The following NR6A1 variants were observed in gnomAD, a reference collection of about 807,000 sequenced individuals.
NR6A1 encodes retinoic acid receptor-related testis-associated receptor.
In NR6A1, 7 loss-of-function variants were observed where a neutral mutation model predicts 59.1. That is an observed-to-expected ratio of 0.12 (90% CI 0.07 to 0.22). NR6A1 has a LOEUF of 0.22. Among genes scored for constraint, NR6A1 ranks in the 10% least tolerant of loss-of-function variants. The pLI is 1.00. For missense variants in NR6A1, 468 were observed against 611.6 expected (o/e 0.77, Z 2.48); for synonymous variants, 243 against 236.1 (o/e 1.03, Z -0.27).
At chr9:124,575,047 G>C (rs889475886) in intron 2 of NR6A1, among the ~76,000 whole-genome samples, 1 of 152,070 alleles carries the variant, frequency 6.6e-6, no homozygotes, top group African/African-American at 2.4e-5. Context: ...TTATTGCCTT[G>C]AGTCACTGTG....
intron 2 of NR6A1, chr9:124,595,626 T>G (rs1329372038): frequency 4.5e-6 from 2 of 441,452 alleles, no homozygotes; most frequent in Non-Finnish European, 8.8e-6. Flanking sequence ...CTAGCTGAAC[T>G]CTGCGAAGAC....
chr9:124,556,299 C>A (rs73669205), intron 2 of NR6A1, among the ~76,000 whole-genome samples: 1,974 of 152,098 alleles, frequency 0.013, 36 homozygotes, highest in African/African-American at 0.045. Context: ...ACATCACATG[C>A]AAAAGAGAAG....
chr9:124,599,589 G>A (rs1002785488), intron 2 of NR6A1: 6 of 1,115,572 alleles, frequency 5.4e-6, no homozygotes, highest in African/African-American at 5.1e-5. Flanking sequence ...ATGAGGGCGC[G>A]GCGGCGGCGG....
At chr9:124,627,206 T>C (rs1836269406) in intron 2 of NR6A1, among the ~76,000 whole-genome samples, 1 of 152,188 alleles carries the variant, frequency 6.6e-6, no homozygotes, top group African/African-American at 2.4e-5. Context: ...GACAGATGTT[T>C]TGGCCTAGGT....
At chr9:124,568,558 G>A (rs147779988) in intron 2 of NR6A1, among the ~76,000 whole-genome samples, 1 of 151,688 alleles carries the variant, frequency 6.6e-6, no homozygotes, top group African/African-American at 2.4e-5. Flanking sequence ...ATCAACCCAT[G>A]CTTTCCAAAT....
intron 2 of NR6A1, among the ~76,000 whole-genome samples, chr9:124,606,831 A>G (rs979588345): frequency 2.6e-5 from 4 of 152,218 alleles, no homozygotes; most frequent in African/African-American, 9.6e-5. Context: ...CTCCCTGTCA[A>G]TAGGAACTTG....
At chr9:124,755,175 T>TAAGACTAAAC (rs11270745) in intron 1 of NR6A1, among the ~76,000 whole-genome samples, 7 of 352 alleles carry the variant, frequency 0.02, no homozygotes, top group Non-Finnish European at 0.037. Flanking sequence ...CACATTACCG[T>TAAGACTAAAC]GGAAATATTT....
chr9:124,528,032 C>T (rs1832987733), intron 7 of NR6A1, among the ~76,000 whole-genome samples: 1 of 152,212 alleles, frequency 6.6e-6, no homozygotes, highest in Non-Finnish European at 1.5e-5. Flanking sequence ...TAGCTTCAGG[C>T]ATGCTTCCTG....
At chr9:124,646,474 A>G (rs1330967117) in intron 2 of NR6A1, among the ~76,000 whole-genome samples, 1 of 152,226 alleles carries the variant, frequency 6.6e-6, no homozygotes, top group East Asian at 1.9e-4. Flanking sequence ...AGGGGACCTC[A>G]CTATGGATCC....
intron 2 of NR6A1, among the ~76,000 whole-genome samples, chr9:124,683,123 G>T (rs1412563337): frequency 6.6e-6 from 1 of 152,060 alleles, no homozygotes; most frequent in South Asian, 2.1e-4. Flanking sequence ...GATCACTTGA[G>T]CTCAGGAGGT....
chr9:124,539,835 C>T (rs1833387725), intron 5 of NR6A1, among the ~76,000 whole-genome samples, 198 bp downstream of exon 5: 1 of 152,220 alleles, frequency 6.6e-6, no homozygotes, highest in Non-Finnish European at 1.5e-5. Flanking sequence ...AGACCACTGA[C>T]ATTTTCAAGG....
rs1341678135 is a variant in NR6A1, at chr9:124,518,019, A to T, written c.*4686T>A. On this transcript the variant is annotated 3_prime_UTR_variant, in exon 10 of 10. Coordinates refer to ENST00000487099, the MANE Select transcript of NR6A1 (RefSeq NM_033334.4). ...ATTATCACCTATTACAAGACATTTT[A>T]GAGAAAGAAAACAATGGTCATTAAA... 4 of 151,190 alleles carry T rather than the reference A, an allele frequency of 2.6e-5. No individual in the cohort carries two copies. The highest frequency in any genetic ancestry group is 7.3e-5 in the African/African-American group (3 of 41,006). 9.4% of individuals were successfully genotyped at this position (151,190 alleles called of 1,614,324 possible).
In NR6A1 at chr9:124,665,165, GACA is replaced by G. The variant is rs370774931; in HGVS notation, c.142+68140_142+68142del. Among the ~76,000 whole-genome samples the G allele has an allele frequency of 6.1e-3, 915 of 149,012 alleles. 9 individuals are homozygous for G. The highest frequency in any genetic ancestry group is 0.018 in the Middle Eastern group (5 of 284). On this transcript the variant is annotated intron_variant, in intron 2 of 9. Transcript: ENST00000487099. ...CACCCCACTGCACTACAGCCAGGGTGACAACAAGAACCTTTCTCAAAAAAAAAA... is the reference window on the plus strand; with the variant it reads ...CACCCCACTGCACTACAGCCAGGGTGACAAGAACCTTTCTCAAAAAAAAAA...
In NR6A1 at chr9:124,726,287, T is replaced by C. The variant is rs530707191; in HGVS notation, c.142+7021A>G. 2.6e-5 allele frequency among the ~76,000 whole-genome samples: 4 copies of C among 152,284 alleles called. 1 individual carries two copies. The South Asian group carries it at 6.2e-4, about 24-fold the overall frequency. ...CCCTAAAATCCTTTGAAAAAGCCAC[T>C]AGTTCTGTGAATTGTCCTTCTCCCT... On this transcript the variant is annotated intron_variant, in intron 2 of 9. Coordinates refer to ENST00000487099, the MANE Select transcript of NR6A1 (RefSeq NM_033334.4).
chr9:124,599,296 A>T (rs1835377001), intron 2 of NR6A1: 2 of 385,744 alleles, frequency 5.2e-6, no homozygotes, highest in East Asian at 6.4e-5. Context: ...TACAAAAAAT[A>T]GCTGGGCGTG....
At chr9:124,525,691 C>A (rs574801444) in intron 8 of NR6A1, among the ~76,000 whole-genome samples, 1 of 150,198 alleles carries the variant, frequency 6.7e-6, no homozygotes, top group African/African-American at 2.5e-5. Flanking sequence ...CTCTCTCTCT[C>A]TCTCTCTCTA....
chr9:124,733,619 C>G (rs1025391649), intron 1 of NR6A1, among the ~76,000 whole-genome samples: 1 of 152,174 alleles, frequency 6.6e-6, no homozygotes, highest in Non-Finnish European at 1.5e-5. Context: ...CCTTGCCACA[C>G]AGTAGGAGCT....
chr9:124,564,039 C>A lies in NR6A1; in HGVS notation c.143-9469G>T, dbSNP rs146291167. Among the ~76,000 whole-genome samples the A allele has an allele frequency of 1.0e-2, 1,518 of 152,286 alleles. 17 individuals carry two copies. Among genetic ancestry groups the A allele is most frequent in the Non-Finnish European group, 0.018 (1,215 of 68,018 alleles). ...GCTGCAATGAGCTCTGACTGTGGCACTGTACTCCAGCCTGGATGACAAAGC... is the reference window on the plus strand; with the variant it reads ...GCTGCAATGAGCTCTGACTGTGGCAATGTACTCCAGCCTGGATGACAAAGC... On this transcript the variant is annotated intron_variant, in intron 2 of 9. Coordinates refer to ENST00000487099, the MANE Select transcript of NR6A1 (RefSeq NM_033334.4).
chr9:124,540,792 C>T (rs894530378), intron 4 of NR6A1, among the ~76,000 whole-genome samples: 2 of 152,072 alleles, frequency 1.3e-5, no homozygotes, highest in African/African-American at 4.8e-5. Flanking sequence ...CAGAGCAAGA[C>T]CCTGTCTTAA....
Sources: allele counts gnomAD v4.1 joint callset (sites outside exome capture counted in the v4.1 genomes callset), GRCh38; gene constraint gnomAD v4.1.1; transcripts MANE v1.5; gene names NCBI Gene and HGNC (gene_info 2026-07-23, HGNC 2026-07-21).